Variants in IL1RAPL1 observed in about 807,000 individuals in gnomAD.
IL1RAPL1 encodes the protein interleukin 1 receptor accessory protein like 1, also known as interleukin-1 receptor accessory protein-like 1.
A neutral mutation model predicts 48.4 loss-of-function variants in IL1RAPL1; 3 were observed. The observed-to-expected ratio is 0.06, with a 90% CI of 0.03 to 0.16. IL1RAPL1 has a LOEUF of 0.16. Among genes scored for constraint, IL1RAPL1 ranks in the 10% least tolerant of loss-of-function variants. IL1RAPL1 has a pLI of 1.00. For synonymous variants in IL1RAPL1, 185 were observed against 187.7 expected (o/e 0.99, Z 0.12); for missense variants, 349 against 530.6 (o/e 0.66, Z 3.36).
intron 5 of IL1RAPL1, among the ~76,000 whole-genome samples, chrX:29,494,812 T>C (rs938431499): frequency 4.4e-5 from 5 of 112,417 alleles, no homozygotes; most frequent in Admixed American, 2.8e-4. Flanking sequence ...ATTTTGTTGA[T>C]TAACTTCCAT....
chrX:28,607,626 T>C (rs1235167475), intron 1 of IL1RAPL1, among the ~76,000 whole-genome samples: 1 of 111,397 alleles, frequency 9.0e-6, no homozygotes, highest in Non-Finnish European at 1.9e-5. Flanking sequence ...GTTGTAAGTT[T>C]TCCTCTAACA....
intron 2 of IL1RAPL1, among the ~76,000 whole-genome samples, chrX:28,830,789 G>A (rs1426975780): frequency 2.7e-5 from 3 of 110,401 alleles, no homozygotes; most frequent in Non-Finnish European, 5.7e-5. Flanking sequence ...TGGAAATCAA[G>A]TCTGTCCTCC....
chrX:29,816,074 A>G (rs1464725602), intron 6 of IL1RAPL1, among the ~76,000 whole-genome samples: 4 of 111,612 alleles, frequency 3.6e-5, no homozygotes, highest in Non-Finnish European at 7.5e-5. Flanking sequence ...AATTAAAATC[A>G]TAGCAGAAGT....
chrX:29,917,668 G>T lies in IL1RAPL1; in HGVS notation c.911+72G>T, dbSNP rs1932809456. On this transcript the variant is annotated intron_variant, in intron 7 of 10. Transcript: ENST00000378993. ...TCCATTAGTGAATAGAAAGTAAGCTGAAAGGATTTTTTTTTGTTTTACTAG... is the reference window on the plus strand; with the variant it reads ...TCCATTAGTGAATAGAAAGTAAGCTTAAAGGATTTTTTTTTGTTTTACTAG... 9.5e-6 allele frequency: 9 copies of T among 945,961 alleles called. No individual in the cohort carries two copies. The South Asian group carries it at 2.0e-4, about 21-fold the overall frequency. The allele number at this position is 945,961 out of a possible 1,213,427, so 78.0% of individuals were successfully genotyped here.
intron 5 of IL1RAPL1, among the ~76,000 whole-genome samples, chrX:29,464,115 G>A (rs903665889): frequency 8.9e-6 from 1 of 112,410 alleles, no homozygotes; most frequent in Non-Finnish European, 1.9e-5. Flanking sequence ...ATGTGTAATA[G>A]TAAAACTACT....
chrX:28,854,480 G>A (rs1226693884), intron 2 of IL1RAPL1, among the ~76,000 whole-genome samples: 1 of 110,643 alleles, frequency 9.0e-6, no homozygotes, highest in Admixed American at 9.7e-5. Context: ...ATATAGGTTT[G>A]ATTATGCTGT....
chrX:29,236,457 G>A (rs1431580419), intron 2 of IL1RAPL1, among the ~76,000 whole-genome samples: 9 of 108,856 alleles, frequency 8.3e-5, no homozygotes, highest in Non-Finnish European at 3.8e-5. Flanking sequence ...ATAAACTGTA[G>A]GTGTAAGCAG....
At chrX:29,691,750 C>CAAAAA (rs761236508) in intron 6 of IL1RAPL1, among the ~76,000 whole-genome samples, 2 of 17,676 alleles carry the variant, frequency 1.1e-4, no homozygotes, top group African/African-American at 7.0e-4. Context: ...GACTCCGTCT[C>CAAAAA]AAAAAAAAAA....
chrX:29,190,850 A>G (rs1252029825), intron 2 of IL1RAPL1, among the ~76,000 whole-genome samples: 1 of 112,385 alleles, frequency 8.9e-6, no homozygotes, highest in African/African-American at 3.2e-5. Flanking sequence ...TTAATAAAAT[A>G]ACATTAATTT....
At chrX:28,600,107 G>A (rs1934005333) in intron 1 of IL1RAPL1, among the ~76,000 whole-genome samples, 1 of 111,303 alleles carries the variant, frequency 9.0e-6, no homozygotes, top group African/African-American at 3.3e-5. Context: ...GGGAATGAAA[G>A]TTATTTGGAG....
chrX:28,940,820 T>C (rs963665964), intron 2 of IL1RAPL1, among the ~76,000 whole-genome samples: 19 of 110,117 alleles, frequency 1.7e-4, no homozygotes, highest in African/African-American at 6.2e-4. Context: ...CCCATCACTT[T>C]TTGGATATAT....
At chrX:29,587,003 GCTTTTTGTTT>G (rs1364629774) in intron 5 of IL1RAPL1, among the ~76,000 whole-genome samples, 1 of 110,337 alleles carries the variant, frequency 9.1e-6, no homozygotes, top group Non-Finnish European at 1.9e-5. Context: ...AGATTTGGAT[GCTTTTTGTTT>G]CTTTTTGTTG....
intron 5 of IL1RAPL1, among the ~76,000 whole-genome samples, chrX:29,628,766 C>T (rs1448597492): frequency 9.0e-6 from 1 of 111,552 alleles, no homozygotes; most frequent in East Asian, 2.8e-4. Context: ...TTATCAAGTC[C>T]GAAGAAGGAA....
chrX:28,722,302 G>T (rs749908366), intron 1 of IL1RAPL1, among the ~76,000 whole-genome samples: 199 of 111,024 alleles, frequency 1.8e-3, no homozygotes, highest in Non-Finnish European at 2.8e-3. Flanking sequence ...CCTTGAAGAG[G>T]TCCTTCACAT....
intron 3 of IL1RAPL1, among the ~76,000 whole-genome samples, chrX:29,342,275 T>C (rs931440208): frequency 7.2e-5 from 8 of 111,781 alleles, no homozygotes; most frequent in African/African-American, 2.3e-4. Flanking sequence ...TGAATACATT[T>C]ATTGAGAATT....
intron 2 of IL1RAPL1, among the ~76,000 whole-genome samples, chrX:29,076,365 T>C (rs1927669803): frequency 8.9e-6 from 1 of 112,162 alleles, no homozygotes; most frequent in African/African-American, 3.2e-5. Context: ...AGTGTATACC[T>C]ACCTCCAAAC....
intron 3 of IL1RAPL1, among the ~76,000 whole-genome samples, chrX:29,314,606 G>T (rs966489510): frequency 8.9e-6 from 1 of 112,315 alleles, no homozygotes; most frequent in East Asian, 2.8e-4. Context: ...TGACGTAGGG[G>T]CCTTGATAAT....
intron 2 of IL1RAPL1, among the ~76,000 whole-genome samples, chrX:28,981,088 C>T (rs1202907904): frequency 6.1e-5 from 1 of 16,331 alleles, no homozygotes; most frequent in African/African-American, 3.8e-4. Flanking sequence ...GAGACCCTGT[C>T]TCAAAAAAAA....
intron 6 of IL1RAPL1, among the ~76,000 whole-genome samples, chrX:29,899,338 C>G (rs1346698404): frequency 9.0e-6 from 1 of 110,804 alleles, no homozygotes; most frequent in Non-Finnish European, 1.9e-5. Flanking sequence ...ATCTACTGAG[C>G]CTTTAGTTTC....
Sources: allele counts gnomAD v4.1 joint callset (sites outside exome capture counted in the v4.1 genomes callset), GRCh38; gene constraint gnomAD v4.1.1; transcripts MANE v1.5; gene names NCBI Gene and HGNC (gene_info 2026-07-23, HGNC 2026-07-21).